MAP3K4: variants seen among roughly 807,000 people sequenced by gnomAD.
MAP3K4 encodes the protein mitogen-activated protein kinase kinase kinase 4.
MAP3K4 carries 67 observed loss-of-function variants against 185.6 expected under a neutral mutation model. That is an observed-to-expected ratio of 0.36 (90% CI 0.30 to 0.44). The LOEUF (loss-of-function observed/expected upper bound fraction) is 0.44, where lower values mean the gene tolerates loss of function less well. Among genes scored for constraint, MAP3K4 ranks in the 20% least tolerant of loss-of-function variants. The pLI is 1.00. For synonymous variants in MAP3K4, 702 were observed against 710.4 expected, an observed-to-expected ratio of 0.99 and a Z score of 0.19; for missense variants, 1,551 against 1,995.1, an observed-to-expected ratio of 0.78 and a Z score of 4.24.
chr6:161,087,622 TG>T lies in MAP3K4; in HGVS notation c.2557-65del. The T allele has an allele frequency of 6.5e-7, 1 of 1,539,048 alleles. No individual in the cohort carries two copies. Among genetic ancestry groups the T allele is most frequent in the Non-Finnish European group, 8.9e-7 (1 of 1,124,498 alleles). On this transcript the variant is annotated intron_variant, in intron 9 of 26. Coordinates refer to ENST00000392142, the MANE Select transcript of MAP3K4 (RefSeq NM_005922.4). This position sits in a 1 kb window ranked among gnomAD's most constrained non-coding sequence, Gnocchi z 4.9. ...AAACCTGCCTCTCCTTTCCTAGGTT[TG>T]TTTTAAATAACCTATTTCTCTAATG...
Position 161,048,196 on chromosome 6 carries a change from C to T in MAP3K4, c.344-420C>T, listed in dbSNP as rs753230615. 1.9e-6 allele frequency: 1 copy of T among 519,562 alleles called. No homozygotes were observed. The highest frequency in any genetic ancestry group is 5.6e-5 in the East Asian group (1 of 17,810). 32.2% of individuals were successfully genotyped at this position (519,562 alleles called of 1,614,324 possible). On this transcript the variant is annotated intron_variant, in intron 2 of 26. Transcript: ENST00000392142. The surrounding 1 kb of genome is among the most constrained non-coding windows in gnomAD (Gnocchi z 4.7). Reference sequence around the variant, plus strand: ...TTTACGTGATTTCCTCTTAAGTTTACACATTTAGCTAATGACAAATGCAGG... The same window carrying T: ...TTTACGTGATTTCCTCTTAAGTTTATACATTTAGCTAATGACAAATGCAGG...
intron 2 of MAP3K4, among the ~76,000 whole-genome samples, chr6:161,042,857 T>G (rs1783545349): frequency 6.6e-6 from 1 of 151,994 alleles, no homozygotes; most frequent in Admixed American, 6.6e-5. Context: ...TCATCAGCCA[T>G]AGCTGGGTTA....
chr6:161,022,066 G>A lies in MAP3K4; in HGVS notation c.153-12193G>A, dbSNP rs752184371. ...GAGTTGTTGTTAATTCAAAATTACC[G>A]TTCCCTAGTTTGAAAGGCTGTTTTC... On this transcript the variant is annotated intron_variant, in intron 1 of 26. Transcript: ENST00000392142. The surrounding 1 kb of genome is among the most constrained non-coding windows in gnomAD (Gnocchi z 4.2). 3.9e-5 allele frequency: 6 copies of A among 152,074 alleles called. No homozygotes were observed. Among genetic ancestry groups the A allele is most frequent in the African/African-American group, 7.2e-5 (3 of 41,396 alleles). 9.4% of individuals were successfully genotyped at this position (152,074 alleles called of 1,614,324 possible).
In MAP3K4 at chr6:161,051,939, A is replaced by G. The variant is rs1055313631; in HGVS notation, c.1707+1960A>G. ...TGGGCTAAAACAGTCCTCCTGCCTT[A>G]GCCTCCTGAGTAGCTTGTATTACTT... On this transcript the variant is annotated intron_variant, in intron 3 of 26. Coordinates refer to ENST00000392142, the MANE Select transcript of MAP3K4 (RefSeq NM_005922.4). This position sits in a 1 kb window ranked among gnomAD's most constrained non-coding sequence, Gnocchi z 4.2. Among the ~76,000 whole-genome samples, 3 of 152,186 alleles carry G rather than the reference A, an allele frequency of 2.0e-5. No individual in the cohort carries two copies. Among genetic ancestry groups the G allele is most frequent in the African/African-American group, 7.2e-5 (3 of 41,450 alleles).
chr6:161,014,346 A>G (rs761496303), intron 1 of MAP3K4, among the ~76,000 whole-genome samples: 1 of 152,250 alleles, frequency 6.6e-6, no homozygotes, highest in Non-Finnish European at 1.5e-5. Flanking sequence ...AGAACCTGTC[A>G]TAAAATCCTT....
rs889150444 is a variant in MAP3K4 at position 161,114,148 on chromosome 6, T to C, written c.4627-975T>C. 1.2e-4 allele frequency among the ~76,000 whole-genome samples: 19 copies of C among 152,302 alleles called. 2 individuals are homozygous for C. The Middle Eastern group carries it at 0.02, about 164-fold the overall frequency. ...TGTTTTGGACAGAAATTCCATGTGG[T>C]AGGGCTGCTCCGGAGACATTTCCAA... On this transcript the variant is annotated intron_variant, in intron 25 of 26. Transcript: ENST00000392142. This position sits in a 1 kb window ranked among gnomAD's most constrained non-coding sequence, Gnocchi z 4.3.
chr6:161,048,711 C>T lies in MAP3K4; in HGVS notation c.439C>T (p.Arg147Ter). The T allele has an allele frequency of 3.1e-6, 5 of 1,613,708 alleles. No homozygotes were observed. The highest frequency in any genetic ancestry group is 3.4e-6 in the Non-Finnish European group (4 of 1,179,892). Residue 147 changes from arginine (R) to a stop codon, truncating the protein, a stop_gained, in exon 3 of 27, where the codon CGA (arginine) becomes TGA (stop). Transcript: ENST00000392142. LOFTEE classifies it high-confidence loss of function. This position sits in a 1 kb window ranked among gnomAD's most constrained non-coding sequence, Gnocchi z 4.7. ...EYSYKQEKKI[R>*]AALRTTERDR... ...CAGCTATAAGCAGGAGAAAAAGATCCGAGCAGCTCTTAGAACAACAGAGCG... is the reference window on the plus strand; with the variant it reads ...CAGCTATAAGCAGGAGAAAAAGATCTGAGCAGCTCTTAGAACAACAGAGCG...
Position 161,098,895 on chromosome 6 carries a change from G to A in MAP3K4, c.3674+468G>A, listed in dbSNP as rs1239817075. On this transcript the variant is annotated intron_variant, in intron 17 of 26. Coordinates refer to ENST00000392142, the MANE Select transcript of MAP3K4 (RefSeq NM_005922.4). The surrounding 1 kb of genome is among the most constrained non-coding windows in gnomAD (Gnocchi z 4.4). ...TTGATTAGAAGTAGTTTATAGAAGT[G>A]GAAAAATGAGTTCATGGGGTTTGTA... Among the ~76,000 whole-genome samples the A allele has an allele frequency of 6.6e-6, 1 of 152,190 alleles. No homozygotes were observed. The highest frequency in any genetic ancestry group is 1.9e-4 in the East Asian group (1 of 5,192).
In MAP3K4 at chr6:161,073,530, T is replaced by A; in HGVS notation, c.2015T>A (p.Met672Lys). 1.9e-6 allele frequency: 3 copies of A among 1,614,066 alleles called. No individual in the cohort carries two copies. The highest frequency in any genetic ancestry group is 2.5e-6 in the Non-Finnish European group (3 of 1,179,976). Residue 672 changes from methionine (M) to lysine (K), a missense_variant, in exon 5 of 27, where the codon ATG becomes AAG. This residue lies in a region of MAP3K4 where 130 missense variants were observed against 171.3 expected (regional missense o/e 0.76). Transcript: ENST00000392142. This position sits in a 1 kb window ranked among gnomAD's most constrained non-coding sequence, Gnocchi z 4.2. ...GLLMKQYYQFMLQEVLEDLEK... is the reference protein window; with the variant it reads ...GLLMKQYYQFKLQEVLEDLEK... ...CTGATGAAGCAGTACTACCAGTTCATGCTGCAGGAGGTTCTGGAGGACTTG... is the reference window on the plus strand; with the variant it reads ...CTGATGAAGCAGTACTACCAGTTCAAGCTGCAGGAGGTTCTGGAGGACTTG...
intron 1 of MAP3K4, among the ~76,000 whole-genome samples, chr6:161,019,348 T>TA (rs1372211201): frequency 3.3e-5 from 5 of 152,256 alleles, no homozygotes; most frequent in Non-Finnish European, 7.3e-5. Flanking sequence ...TCTCTGGTGT[T>TA]ACATTTTGGA....
chr6:161,074,168 G>A lies in MAP3K4; in HGVS notation c.2097+556G>A, dbSNP rs983469977. On this transcript the variant is annotated intron_variant, in intron 5 of 26. Coordinates refer to ENST00000392142, the MANE Select transcript of MAP3K4 (RefSeq NM_005922.4). This position sits in a 1 kb window ranked among gnomAD's most constrained non-coding sequence, Gnocchi z 5.0. ...AGCAGAGAAGCTTGCTGTGTTGTCTGGGAGGCACTTCCAGTGAGGAAGCTG... is the reference window on the plus strand; with the variant it reads ...AGCAGAGAAGCTTGCTGTGTTGTCTAGGAGGCACTTCCAGTGAGGAAGCTG... Among the ~76,000 whole-genome samples the A allele has an allele frequency of 5.9e-5, 9 of 152,222 alleles. No individual in the cohort carries two copies. Among genetic ancestry groups the A allele is most frequent in the Non-Finnish European group, 7.3e-5 (5 of 68,046 alleles).
intron 3 of MAP3K4, among the ~76,000 whole-genome samples, chr6:161,059,831 T>C (rs1179456883): frequency 6.7e-6 from 1 of 149,402 alleles, no homozygotes; most frequent in Non-Finnish European, 1.5e-5. Flanking sequence ...ATTATATTTC[T>C]AAAGTGTTTT....
At position 161,034,500 on chromosome 6, in the gene MAP3K4, T is replaced by C. The variant is rs779342112; in HGVS notation, c.343+51T>C. ...GTACATGAGAGGGTATGGCACTTGA[T>C]TGATTCTTTCAACAATAAAGTTAGC... On this transcript the variant is annotated intron_variant, in intron 2 of 26. Transcript: ENST00000392142. This position sits in a 1 kb window ranked among gnomAD's most constrained non-coding sequence, Gnocchi z 4.4. 1.6e-5 allele frequency: 22 copies of C among 1,404,650 alleles called. 1 individual carries two copies. The Admixed American group carries it at 4.1e-4, about 26-fold the overall frequency. 87.0% of individuals were successfully genotyped at this position (1,404,650 alleles called of 1,614,324 possible).
At chr6:161,057,598 CAA>C (rs1784301730) in intron 3 of MAP3K4, among the ~76,000 whole-genome samples, 3 of 152,262 alleles carry the variant, frequency 2.0e-5, no homozygotes, top group African/African-American at 7.2e-5. Context: ...ACATTGTAAA[CAA>C]ACCTCCTGTG....
At position 161,089,433 on chromosome 6, in the gene MAP3K4, A is replaced by C; in HGVS notation, c.2935A>C (p.Ser979Arg). 1 of 1,614,232 alleles carries C rather than the reference A, an allele frequency of 6.2e-7. No homozygotes were observed. The highest frequency in any genetic ancestry group is 8.5e-7 in the Non-Finnish European group (1 of 1,180,038). ...GACTCTGTGCCAGGAGCAGACATCC[A>C]GTCAGCCGGTCATCGCCAAAGCTTT... is the stretch of plus-strand genomic sequence containing the variant. The part of the protein sequence containing the change: ...LMTLCQEQTS[S>R]QPVIAKALQQ... Residue 979 changes from serine (S) to arginine (R), a missense_variant, in exon 11 of 27, where the codon AGT (serine) becomes CGT (arginine). Ser to Arg is a moderately radical substitution (Grantham distance 110). This residue lies in a region of MAP3K4 where 261 missense variants were observed against 306.5 expected (regional missense o/e 0.85). Coordinates refer to ENST00000392142, the MANE Select transcript of MAP3K4 (RefSeq NM_005922.4).
rs775743966 is a variant in MAP3K4, at chr6:161,051,008, G to C, written c.1707+1029G>C. Among the ~76,000 whole-genome samples, 12 of 152,234 alleles carry C rather than the reference G, an allele frequency of 7.9e-5. No homozygotes were observed. Among genetic ancestry groups the C allele is most frequent in the Admixed American group, 5.2e-4 (8 of 15,292 alleles). ...TTGCATATAACCAATGCACAACCTC[G>C]TATGCTTTAATCTCGAGATTATGTG... On this transcript the variant is annotated intron_variant, in intron 3 of 26. Transcript: ENST00000392142. This position sits in a 1 kb window ranked among gnomAD's most constrained non-coding sequence, Gnocchi z 4.2.
Position 161,005,233 on chromosome 6 carries a change from G to A in MAP3K4, c.152+13150G>A, listed in dbSNP as rs28376234. Among the ~76,000 whole-genome samples, 1,499 of 151,552 alleles carry A rather than the reference G, an allele frequency of 9.9e-3. 31 individuals are homozygous for A. The highest frequency in any genetic ancestry group is 0.035 in the African/African-American group (1,458 of 41,262). On this transcript the variant is annotated intron_variant, in intron 1 of 26. Coordinates refer to ENST00000392142, the MANE Select transcript of MAP3K4 (RefSeq NM_005922.4). ...GGCTCACTGCAGCCTCGACCTCCTG[G>A]GCTCAAGTGATCCTCCCACCTCAGC...
chr6:161,000,940 C>T (rs558537920), intron 1 of MAP3K4, among the ~76,000 whole-genome samples: 5 of 145,042 alleles, frequency 3.4e-5, no homozygotes, highest in African/African-American at 1.3e-4. Flanking sequence ...CATATATATG[C>T]ACACATAGTG....
rs118042662 is a variant in MAP3K4, at chr6:161,108,866, C to T, written c.4236+7C>T. The T allele has an allele frequency of 1.2e-3, 1,873 of 1,606,204 alleles. 48 individuals carry two copies. In the East Asian group the frequency reaches 0.039, roughly 33 times the overall value. On this transcript the variant is annotated splice_region_variant and intron_variant, in intron 22 of 26. Transcript: ENST00000392142. The surrounding 1 kb of genome is among the most constrained non-coding windows in gnomAD (Gnocchi z 5.7). ...TGGTGTGGAGCTCCATAGAGTAAGC[C>T]GACCCTAATGCCACTCTTTGTGTGA...
Sources: gnomAD v4.1 joint callset for allele counts (sites outside exome capture counted in the v4.1 genomes callset) on GRCh38, gnomAD v4.1.1 for gene constraint, gnomAD v4.1.1 regional missense constraint, Gnocchi (gnomAD v3.1) non-coding constraint, MANE v1.5 for transcripts, NCBI Gene and HGNC (gene_info 2026-07-23, HGNC 2026-07-21) for gene names.